The following VPS13B variants were observed in gnomAD, a reference collection of about 807,000 sequenced individuals.
The protein encoded by VPS13B is vacuolar protein sorting 13 homolog B.
VPS13B carries 285 observed loss-of-function variants against 426.4 expected under a neutral mutation model. The ratio of observed to expected loss-of-function variants is 0.67; its 90% CI spans 0.61 to 0.74. VPS13B has a LOEUF of 0.74. Among genes scored for constraint, VPS13B ranks in the 30% least tolerant of loss-of-function variants. VPS13B has a pLI of 0.00. For missense variants in VPS13B, 4,537 were observed against 4,782.6 expected, an observed-to-expected ratio of 0.95 and a Z score of 1.51; for synonymous variants, 1,676 against 1,676.4, an observed-to-expected ratio of 1.00 and a Z score of 0.01.
At position 99,776,785 on chromosome 8, in the gene VPS13B, G is replaced by A. The variant is rs1811762335; in HGVS notation, c.7258G>A (p.Glu2420Lys). 1 of 1,613,976 alleles carries A rather than the reference G, an allele frequency of 6.2e-7. No individual in the cohort carries two copies. The highest frequency in any genetic ancestry group is 8.5e-7 in the Non-Finnish European group (1 of 1,179,926). Residue 2420 changes from glutamate to lysine, a missense_variant, in exon 41 of 62, where the codon GAG becomes AAG. Around this residue, in one of 2 missense-constraint regions of VPS13B, gnomAD observed 4,311 missense variants for 4,474.3 expected, o/e 0.96. Coordinates refer to ENST00000357162, the MANE Select transcript of VPS13B (RefSeq NM_152564.5). ...ACTTCTTTCCCATAGCTCTGCAAGT[G>A]AGTCTGGTTCTCAAAGCACTTGTGA... is the stretch of plus-strand genomic sequence containing the variant. ...NGADDQSSAS[E>K]SGSQSTCDPL... is the part of the protein sequence containing the mutation.
intron 59 of VPS13B, among the ~76,000 whole-genome samples, chr8:99,868,809 G>C (rs1205681023): frequency 2.0e-5 from 3 of 152,206 alleles, no homozygotes; most frequent in Non-Finnish European, 4.4e-5. Context: ...AGGAGAGAGA[G>C]GCTGTGGGAA....
intron 34 of VPS13B, among the ~76,000 whole-genome samples, chr8:99,657,909 A>G (rs1208537949): frequency 6.6e-6 from 1 of 152,166 alleles, no homozygotes. Flanking sequence ...ACCCTTATCA[A>G]CCATCCATGG....
intron 19 of VPS13B, among the ~76,000 whole-genome samples, chr8:99,371,012 C>T (rs977769469): frequency 1.3e-4 from 20 of 152,048 alleles, no homozygotes; most frequent in African/African-American, 1.4e-4. Flanking sequence ...AATCACAAAC[C>T]GCTTGAAATT....
At chr8:99,864,634 AAGAC>A (rs1246016942) in intron 58 of VPS13B, among the ~76,000 whole-genome samples, 2 of 152,274 alleles carry the variant, frequency 1.3e-5, no homozygotes, top group Non-Finnish European at 2.9e-5. Context: ...CTTCAATAAA[AAGAC>A]AGAAACGTTA....
At chr8:99,335,667 C>G (rs1200382321) in intron 19 of VPS13B, among the ~76,000 whole-genome samples, 1 of 152,106 alleles carries the variant, frequency 6.6e-6, no homozygotes, top group Non-Finnish European at 1.5e-5. Flanking sequence ...TCAGCAAAGT[C>G]TCAGGATACA....
chr8:99,096,386 G>T lies in VPS13B; in HGVS notation c.366G>T (p.Pro122=). ...TAESTKSSIK[P]RRMQQAAPTD... The stretch of plus-strand genomic sequence containing the variant: ...AGAGCACAAAATCATCAATCAAACC[G>T]CGGAGAATGCAGCAGGCTGCTCCTA... Residue 122 remains proline, a synonymous_variant, in exon 4 of 62, where the codon CCG becomes CCT. Coordinates refer to ENST00000357162, the MANE Select transcript of VPS13B (RefSeq NM_152564.5). 1.2e-6 allele frequency: 2 copies of T among 1,614,016 alleles called. No individual in the cohort carries two copies. The highest frequency in any genetic ancestry group is 1.7e-6 in the Non-Finnish European group (2 of 1,179,990).
At chr8:99,504,844 C>G (rs890205014) in intron 27 of VPS13B, among the ~76,000 whole-genome samples, 1 of 152,166 alleles carries the variant, frequency 6.6e-6, no homozygotes, top group Admixed American at 6.5e-5. Flanking sequence ...ATTGACTTCT[C>G]CTCTCTAGCT....
chr8:99,414,875 T>G (rs573545059), intron 21 of VPS13B, among the ~76,000 whole-genome samples: 1 of 152,246 alleles, frequency 6.6e-6, no homozygotes, highest in African/African-American at 2.4e-5. Context: ...TCAACCATCA[T>G]TATGTGTCTT....
At chr8:99,501,137 T>TAA (rs1439130323) in intron 25 of VPS13B, among the ~76,000 whole-genome samples, 1 of 152,236 alleles carries the variant, frequency 6.6e-6, no homozygotes, top group Non-Finnish European at 1.5e-5. Flanking sequence ...TGCTGTTTCT[T>TAA]AAACTGATAA....
intron 59 of VPS13B, among the ~76,000 whole-genome samples, chr8:99,869,646 T>G (rs1421128241): frequency 6.6e-6 from 1 of 152,210 alleles, no homozygotes; most frequent in Non-Finnish European, 1.5e-5. Flanking sequence ...TGAGGTAAAG[T>G]GAAGTCATAC....
intron 44 of VPS13B, among the ~76,000 whole-genome samples, chr8:99,815,573 T>C (rs1813983964): frequency 6.6e-6 from 1 of 152,148 alleles, no homozygotes; most frequent in African/African-American, 2.4e-5. Flanking sequence ...AATGTTTGAC[T>C]AAATGTCTGC....
intron 61 of VPS13B, among the ~76,000 whole-genome samples, chr8:99,873,696 AAACTC>A (rs1306931267): frequency 6.6e-6 from 1 of 152,178 alleles, no homozygotes; most frequent in African/African-American, 2.4e-5. Context: ...ACCCCCAAGA[AAACTC>A]AAGCTGCAGA....
chr8:99,169,237 A>G (rs1812188834), intron 15 of VPS13B, among the ~76,000 whole-genome samples: 1 of 152,026 alleles, frequency 6.6e-6, no homozygotes, highest in African/African-American at 2.4e-5. Flanking sequence ...TTTGTTTTGT[A>G]TCCATGTGTG....
chr8:99,074,087 G>T (rs1254575587), intron 3 of VPS13B, among the ~76,000 whole-genome samples: 2 of 152,094 alleles, frequency 1.3e-5, no homozygotes, highest in African/African-American at 4.8e-5. Flanking sequence ...TTGCCTGATA[G>T]CTCTGGCTGG....
chr8:99,737,448 C>T (rs1020238827), intron 39 of VPS13B, among the ~76,000 whole-genome samples: 1 of 152,056 alleles, frequency 6.6e-6, no homozygotes, highest in African/African-American at 2.4e-5. Flanking sequence ...GATAGGGTCC[C>T]AAAGCAGCAG....
intron 39 of VPS13B, among the ~76,000 whole-genome samples, chr8:99,760,205 G>A (rs953955291): frequency 6.6e-5 from 10 of 151,814 alleles, no homozygotes; most frequent in Admixed American, 1.3e-4. Context: ...GGCTGGTCTC[G>A]AACTTGTGAC....
chr8:99,240,572 T>G (rs567552127), intron 17 of VPS13B, among the ~76,000 whole-genome samples: 1 of 152,332 alleles, frequency 6.6e-6, no homozygotes, highest in Admixed American at 6.5e-5. Context: ...TTATGATTTC[T>G]AAATATTATA....
chr8:99,144,416 A>G (rs1191757548), intron 13 of VPS13B, among the ~76,000 whole-genome samples: 1 of 149,752 alleles, frequency 6.7e-6, no homozygotes, highest in Admixed American at 6.7e-5. Flanking sequence ...TTGAGCCTGA[A>G]TGGTTGAGGT....
At chr8:99,792,276 A>AG (rs1306138342) in intron 43 of VPS13B, among the ~76,000 whole-genome samples, 7 of 152,174 alleles carry the variant, frequency 4.6e-5, no homozygotes, top group Admixed American at 4.6e-4. Context: ...GATAAGAGTC[A>AG]GAAAAAAAAA....
Sources: allele counts gnomAD v4.1 joint callset (sites outside exome capture counted in the v4.1 genomes callset), GRCh38; gene constraint gnomAD v4.1.1; regional missense constraint gnomAD v4.1.1; transcripts MANE v1.5; gene names NCBI Gene and HGNC (gene_info 2026-07-23, HGNC 2026-07-21).